The following SQSTM1 variants were observed in gnomAD, a reference collection of about 807,000 sequenced individuals.
The protein encoded by SQSTM1 is sequestosome-1.
A neutral mutation model predicts 45.1 loss-of-function variants in SQSTM1; 36 were observed. That is an observed-to-expected ratio of 0.80 (90% CI 0.61 to 1.05). The LOEUF (loss-of-function observed/expected upper bound fraction) is 1.05. Ranked by LOEUF, SQSTM1 falls within the 50% of genes least tolerant of loss-of-function variation. The probability of loss-of-function intolerance (pLI) is 0.00; values close to 1 mark genes in which losing one functional copy is unlikely to be tolerated. For synonymous variants in SQSTM1, 290 were observed against 244.3 expected, an observed-to-expected ratio of 1.19 and a Z score of -1.74; for missense variants, 617 against 607.1, an observed-to-expected ratio of 1.02 and a Z score of -0.17.
chr5:179,831,272 G>C (rs1476169604), intron 5 of SQSTM1, among the ~76,000 whole-genome samples: 3 of 152,200 alleles, frequency 2.0e-5, no homozygotes, highest in African/African-American at 7.2e-5. Flanking sequence ...CACTCTCTAT[G>C]GAAAACACCA....
intron 5 of SQSTM1, among the ~76,000 whole-genome samples, 199 bp downstream of exon 5, chr5:179,825,425 A>G (rs1757951233): frequency 6.6e-6 from 1 of 152,174 alleles, no homozygotes; most frequent in Non-Finnish European, 1.5e-5. Context: ...CGAGCTTTCT[A>G]CATGGAGTGA....
chr5:179,834,405 A>T (rs1307157271), intron 7 of SQSTM1, among the ~76,000 whole-genome samples: 2 of 88,994 alleles, frequency 2.2e-5, no homozygotes, highest in Non-Finnish European at 4.0e-5. Flanking sequence ...AGTAGTTCTT[A>T]TTTTTGTTTA....
chr5:179,831,562 T>G (rs981842242), intron 5 of SQSTM1, among the ~76,000 whole-genome samples: 2 of 151,708 alleles, frequency 1.3e-5, no homozygotes, highest in Non-Finnish European at 2.9e-5. Flanking sequence ...CTCGGGAGGC[T>G]GAGGCAGGAG....
chr5:179,834,039 T>C (rs1758375934), intron 7 of SQSTM1, among the ~76,000 whole-genome samples: 1 of 151,734 alleles, frequency 6.6e-6, no homozygotes, highest in South Asian at 2.1e-4. Context: ...TGTAGGAGTT[T>C]CTAAAACTTA....
At chr5:179,811,545 A>G (rs930102540) in intron 1 of SQSTM1, 1 of 152,536 alleles carries the variant, frequency 6.6e-6, no homozygotes, top group African/African-American at 2.4e-5. Context: ...TTCTTGCCCA[A>G]TAAATTCCAT....
rs1758616694 is a variant in SQSTM1, at chr5:179,837,251, CCAATGACGTTTGCATAGAGAG to C, written c.*659_*679del. The C allele has an allele frequency of 3.1e-6, 5 of 1,603,524 alleles. No individual in the cohort carries two copies. The highest frequency in any genetic ancestry group is 1.3e-5 in the African/African-American group (1 of 74,856). On this transcript the variant is annotated 3_prime_UTR_variant, in exon 8 of 8. Transcript: ENST00000389805. ...TAATTAAATGGCATCAGCACTTTAA[CCAATGACGTTTGCATAGAGAG>C]AAATGATTGACAGTAAGTTTATTGT...
intron 1 of SQSTM1, chr5:179,808,091 C>T (rs1757258804): frequency 6.6e-6 from 1 of 152,336 alleles, no homozygotes; most frequent in Admixed American, 6.5e-5. Flanking sequence ...CCTCCCAGAC[C>T]TAGGGGCCCG....
chr5:179,836,208 ACCAC>A lies in SQSTM1; in HGVS notation c.1166-226_1166-223del. ...TGTCCATTGATGGTTCTGCTTACAC[ACCAC>A]CTGGCTGCCTGGTGTCGCAGTGGCA... On this transcript the variant is annotated intron_variant, in intron 7 of 7. Transcript: ENST00000389805. 3 of 613,506 alleles carry A rather than the reference ACCAC, an allele frequency of 4.9e-6. No homozygotes were observed. In the South Asian group the frequency reaches 5.7e-5, roughly 12 times the overall value. The allele number at this position is 613,506 out of a possible 1,614,324, so 38.0% of individuals were successfully genotyped here.
At chr5:179,831,440 T>A in intron 5 of SQSTM1, among the ~76,000 whole-genome samples, 1 of 152,282 alleles carries the variant, frequency 6.6e-6, no homozygotes, top group South Asian at 2.1e-4. Context: ...GGCAGGCAGA[T>A]CACCTGAGGT....
rs199663339 is a variant in SQSTM1 at position 179,824,312 on chromosome 5, C to T, written c.662C>T (p.Thr221Met). The change falls in exon 4 of 8, where the codon ACG becomes ATG. Residue 221 changes from threonine to methionine, a missense_variant. Thr to Met is a moderately conservative substitution (Grantham distance 81, BLOSUM62 -1). Transcript: ENST00000389805. ...GCAGGGGAGGCCCGCCCTGGCCCCA[C>T]GGCAGAATCAGGTGAGGCTTGTGTT... ...PRAGEARPGPTAESASGPSED... is the reference protein window; with the variant it reads ...PRAGEARPGPMAESASGPSED... 2.6e-5 allele frequency: 42 copies of T among 1,613,558 alleles called. No homozygotes were observed. Among genetic ancestry groups the T allele is most frequent in the African/African-American group, 2.4e-4 (18 of 75,026 alleles).
intron 1 of SQSTM1, among the ~76,000 whole-genome samples, chr5:179,810,462 T>G (rs1757363895): frequency 6.6e-6 from 1 of 152,238 alleles, no homozygotes; most frequent in Admixed American, 6.5e-5. Context: ...TTTTTATGGC[T>G]GCATAGTATT....
rs11547065 is a variant in SQSTM1, at chr5:179,806,740, G to A, written c.-157+149G>A. 1,564 of 154,010 alleles carry A rather than the reference G, an allele frequency of 0.01. 8 individuals carry two copies. The highest frequency in any genetic ancestry group is 0.043 in the Middle Eastern group (13 of 304). The allele number at this position is 154,010 out of a possible 1,614,324, so 9.5% of individuals were successfully genotyped here. ...GGGCCCGGGGCCGGGCGGGGACCGGGCCAGGGAGCGCGCCGGCCGCCCCTC... is the reference window on the plus strand; with the variant it reads ...GGGCCCGGGGCCGGGCGGGGACCGGACCAGGGAGCGCGCCGGCCGCCCCTC... On this transcript the variant is annotated intron_variant, in intron 1 of 5. Transcript: ENST00000514093. This position sits in a 1 kb window ranked among gnomAD's most constrained non-coding sequence, Gnocchi z 4.6.
At chr5:179,815,416 C>T (rs977752975), upstream of SQSTM1, among the ~76,000 whole-genome samples, 4 of 149,130 alleles carry the variant, frequency 2.7e-5, no homozygotes, top group Non-Finnish European at 5.9e-5. Flanking sequence ...GACTCTGTCT[C>T]GAAAAAAAAA....
At chr5:179,816,186 G>T (rs1339223244), upstream of SQSTM1, among the ~76,000 whole-genome samples, 1 of 152,044 alleles carries the variant, frequency 6.6e-6, no homozygotes, top group African/African-American at 2.4e-5. Flanking sequence ...TTTTGTTGAG[G>T]CACCAAGATT....
chr5:179,837,283 C>T lies in SQSTM1; in HGVS notation c.*690C>T. The T allele has an allele frequency of 6.2e-7, 1 of 1,607,324 alleles. No homozygotes were observed. Among genetic ancestry groups the T allele is most frequent in the South Asian group, 1.1e-5 (1 of 90,468 alleles). On this transcript the variant is annotated 3_prime_UTR_variant, in exon 8 of 8. Coordinates refer to ENST00000389805, the MANE Select transcript of SQSTM1 (RefSeq NM_003900.5). ...CGTTTGCATAGAGAGAAATGATTGA[C>T]AGTAAGTTTATTGTTAATGGTTCTT...
At chr5:179,836,300 T>C (rs1280544210) in intron 7 of SQSTM1, 136 bp from the exon 8 acceptor site, 2 of 1,163,600 alleles carry the variant, frequency 1.7e-6, no homozygotes, top group East Asian at 4.7e-5. Context: ...CACTGTGGCC[T>C]GTGAGGACGA....
At position 179,832,952 on chromosome 5, in the gene SQSTM1, G is replaced by A. The variant is rs1758304307; in HGVS notation, c.755-80G>A. On this transcript the variant is annotated intron_variant, in intron 5 of 7. Transcript: ENST00000389805. ...ACGTTGAGATCTTCGTGAGTCTGTA[G>A]TCTCCACAGGCCAAGCTCCTGCTTG... 2.8e-6 allele frequency: 4 copies of A among 1,424,020 alleles called. No individual in the cohort carries two copies. In the South Asian group the frequency reaches 3.5e-5, roughly 12 times the overall value. 88.2% of individuals were successfully genotyped at this position (1,424,020 alleles called of 1,614,324 possible). A position where few individuals can be genotyped will look rare whatever the true frequency, so the allele number is the denominator to read the frequency against.
Position 179,833,211 on chromosome 5 carries a change from A to C in SQSTM1, c.934A>C (p.Arg312=). Reference sequence around the variant, plus strand: ...CACGCAGTCTCTGGCGGAGCAGATGAGGAAGATCGCCTTGGAGTCCGAGGG... The same window carrying C: ...CACGCAGTCTCTGGCGGAGCAGATGCGGAAGATCGCCTTGGAGTCCGAGGG... The part of the protein sequence containing the change: ...GATQSLAEQM[R]KIALESEGRP... The change falls in exon 6 of 8, where the codon AGG becomes CGG. Residue 312 remains arginine (R), a synonymous_variant. Coordinates refer to ENST00000389805, the MANE Select transcript of SQSTM1 (RefSeq NM_003900.5). 8 of 1,610,180 alleles carry C rather than the reference A, an allele frequency of 5.0e-6. No homozygotes were observed. Among genetic ancestry groups the C allele is most frequent in the Non-Finnish European group, 6.8e-6 (8 of 1,178,532 alleles).
At chr5:179,821,765 G>T in intron 1 of SQSTM1, 1 of 325,940 alleles carries the variant, frequency 3.1e-6, no homozygotes, top group South Asian at 2.2e-5. Context: ...CAGAAGTGTT[G>T]GTGTTGGCAC....
Sources: gnomAD v4.1 joint callset for allele counts (sites outside exome capture counted in the v4.1 genomes callset) on GRCh38, gnomAD v4.1.1 for gene constraint, Gnocchi (gnomAD v3.1) non-coding constraint, MANE v1.5 for transcripts, NCBI Gene and HGNC (gene_info 2026-07-23, HGNC 2026-07-21) for gene names.